Variants in PDSS2 observed in about 807,000 individuals in gnomAD.
The protein encoded by PDSS2 is all trans-polyprenyl-diphosphate synthase PDSS2.
PDSS2 carries 31 observed loss-of-function variants against 44.5 expected under a neutral mutation model. The observed-to-expected ratio is 0.70, with a 90% CI of 0.52 to 0.94. The LOEUF is 0.94. PDSS2 is among the 40% of genes least tolerant of loss of function. The pLI, the probability that PDSS2 is intolerant of heterozygous loss-of-function variation, is 0.00. For synonymous variants in PDSS2, 157 were observed against 180.3 expected, an observed-to-expected ratio of 0.87 and a Z score of 1.03; for missense variants, 452 against 482.2, an observed-to-expected ratio of 0.94 and a Z score of 0.59.
intron 4 of PDSS2, among the ~76,000 whole-genome samples, chr6:107,222,764 T>C (rs1304969932): frequency 1.3e-5 from 2 of 152,056 alleles, no homozygotes; most frequent in African/African-American, 4.8e-5. Flanking sequence ...TCCATTTTCT[T>C]AGCACATAAC....
At chr6:107,276,114 C>CAAAAAAAAAAAAAAAAAAAAAAAAAAA (rs57590944) in intron 2 of PDSS2, among the ~76,000 whole-genome samples, 1 of 90,126 alleles carries the variant, frequency 1.1e-5, no homozygotes, top group Non-Finnish European at 2.0e-5. Context: ...GACCCTATCT[C>CAAAAAAAAAAAAAAAAAAAAAAAAAAA]AAAAAAAAGG....
intron 7 of PDSS2, among the ~76,000 whole-genome samples, chr6:107,165,074 A>G (rs1257342352): frequency 6.6e-6 from 1 of 152,214 alleles, no homozygotes; most frequent in Non-Finnish European, 1.5e-5. Flanking sequence ...GCCCTTTGTC[A>G]GATGAGTAGA....
At chr6:107,318,971 G>A (rs1165604591) in intron 2 of PDSS2, among the ~76,000 whole-genome samples, 2 of 151,416 alleles carry the variant, frequency 1.3e-5, no homozygotes, top group African/African-American at 4.9e-5. Flanking sequence ...CTGGGTGACA[G>A]AGTGAGACTA....
intron 1 of PDSS2, among the ~76,000 whole-genome samples, chr6:107,392,462 C>G (rs1198331204): frequency 1.3e-5 from 2 of 152,214 alleles, no homozygotes; most frequent in East Asian, 3.9e-4. Flanking sequence ...CCATGTTCAT[C>G]TTTAAAATTC....
At chr6:107,376,862 C>T (rs1034026156) in intron 1 of PDSS2, among the ~76,000 whole-genome samples, 2 of 152,126 alleles carry the variant, frequency 1.3e-5, no homozygotes, top group African/African-American at 4.8e-5. Flanking sequence ...TGGATCCCTT[C>T]CTTACACCTT....
chr6:107,431,410 C>T (rs138753750), intron 1 of PDSS2, among the ~76,000 whole-genome samples: 221 of 152,182 alleles, frequency 1.5e-3, no homozygotes, highest in Non-Finnish European at 1.8e-3. Flanking sequence ...CCACCATGCC[C>T]GGCTAATTTT....
intron 4 of PDSS2, among the ~76,000 whole-genome samples, chr6:107,218,811 A>C (rs1228547486): frequency 6.6e-6 from 1 of 152,196 alleles, no homozygotes; most frequent in Non-Finnish European, 1.5e-5. Context: ...TAATCCCAGC[A>C]CTTTGGGAGG....
chr6:107,208,744 A>C (rs975050599), intron 6 of PDSS2, among the ~76,000 whole-genome samples: 25 of 151,608 alleles, frequency 1.6e-4, no homozygotes, highest in Admixed American at 1.6e-3. Context: ...TATTTTTAGC[A>C]GAGACAGCGT....
In PDSS2 at chr6:107,210,419, C is replaced by T. The variant is rs1327307746; in HGVS notation, c.1008+20G>A. On this transcript the variant is annotated intron_variant, in intron 6 of 7. Coordinates refer to ENST00000369037, the MANE Select transcript of PDSS2 (RefSeq NM_020381.4). The stretch of plus-strand genomic sequence containing the variant: ...CACTAATTACTACTGGTACCTAAAA[C>T]AGGAGTAATTTCATTTTACCTCTCC... 1 of 1,581,612 alleles carries T rather than the reference C, an allele frequency of 6.3e-7. No homozygotes were observed. The highest frequency in any genetic ancestry group is 1.3e-5 in the African/African-American group (1 of 74,426).
chr6:107,227,020 C>T (rs1268541825), intron 4 of PDSS2, among the ~76,000 whole-genome samples: 3 of 150,584 alleles, frequency 2.0e-5, no homozygotes, highest in African/African-American at 4.9e-5. Flanking sequence ...GAGACAGAGT[C>T]TCGCTCTGTT....
At chr6:107,211,259 A>T (rs1049595462) in intron 5 of PDSS2, among the ~76,000 whole-genome samples, 1 of 151,680 alleles carries the variant, frequency 6.6e-6, no homozygotes, top group African/African-American at 2.4e-5. Context: ...TCTGAATAGT[A>T]TATATTAAAT....
At chr6:107,267,954 AT>A (rs1198687797) in intron 3 of PDSS2, among the ~76,000 whole-genome samples, 4 of 152,166 alleles carry the variant, frequency 2.6e-5, no homozygotes, top group African/African-American at 7.2e-5. Flanking sequence ...TTTTAAAAAA[AT>A]ATGAATATAA....
chr6:107,310,823 T>C (rs1324971072), intron 2 of PDSS2, among the ~76,000 whole-genome samples: 2 of 152,176 alleles, frequency 1.3e-5, no homozygotes, highest in African/African-American at 4.8e-5. Context: ...GGCTTGAACC[T>C]TCAGAGGGGA....
At chr6:107,270,073 A>T (rs1462833566) in intron 3 of PDSS2, among the ~76,000 whole-genome samples, 1 of 152,184 alleles carries the variant, frequency 6.6e-6, no homozygotes, top group Non-Finnish European at 1.5e-5. Flanking sequence ...CAGACAACAA[A>T]GAGAAAAGGC....
intron 7 of PDSS2, among the ~76,000 whole-genome samples, chr6:107,184,598 G>A (rs774396426): frequency 1.2e-4 from 19 of 152,320 alleles, no homozygotes; most frequent in Non-Finnish European, 2.5e-4. Flanking sequence ...CTATGCAAAT[G>A]CATTTTATAA....
intron 2 of PDSS2, among the ~76,000 whole-genome samples, chr6:107,319,005 TATACACACACACACACACAC>T (rs1356814895): frequency 9.4e-6 from 1 of 106,804 alleles, no homozygotes; most frequent in Non-Finnish European, 2.1e-5. Flanking sequence ...AATATATATA[TATACACACACACACACACAC>T]ATACACACAC....
intron 7 of PDSS2, among the ~76,000 whole-genome samples, chr6:107,171,636 G>A (rs1410908763): frequency 2.0e-5 from 3 of 151,934 alleles, no homozygotes; most frequent in African/African-American, 4.8e-5. Context: ...TTAGCCTTCC[G>A]AGTAGCTAGG....
chr6:107,382,998 T>C (rs1779499246), intron 1 of PDSS2, among the ~76,000 whole-genome samples: 1 of 151,820 alleles, frequency 6.6e-6, no homozygotes, highest in South Asian at 2.1e-4. Context: ...TCATACCATA[T>C]ACAAAAATTA....
chr6:107,242,292 C>G (rs1774461736), intron 4 of PDSS2, among the ~76,000 whole-genome samples: 1 of 152,092 alleles, frequency 6.6e-6, no homozygotes, highest in Non-Finnish European at 1.5e-5. Context: ...GAGACGGAGT[C>G]TTGCTCTGTC....
Sources: gnomAD v4.1 joint callset for allele counts (sites outside exome capture counted in the v4.1 genomes callset) on GRCh38, gnomAD v4.1.1 for gene constraint, MANE v1.5 for transcripts, NCBI Gene and HGNC (gene_info 2026-07-23, HGNC 2026-07-21) for gene names.